Variants in ANO1 observed in about 807,000 individuals in gnomAD.
The protein encoded by ANO1 is anoctamin-1.
Under a neutral mutation model 124.0 loss-of-function variants are expected in ANO1, and 59 were observed. The observed-to-expected ratio is 0.48, with a 90% confidence interval of 0.39 to 0.59. The LOEUF is 0.59. Among genes scored for constraint, ANO1 ranks in the 20% least tolerant of loss-of-function variants. The pLI is 0.00. For synonymous variants in ANO1, 529 were observed against 532.0 expected, an observed-to-expected ratio of 0.99 and a Z score of 0.08; for missense variants, 1,059 against 1,328.0, an observed-to-expected ratio of 0.80 and a Z score of 3.15.
intron 7 of ANO1, among the ~76,000 whole-genome samples, chr11:70,112,982 T>A (rs562506846): frequency 6.6e-6 from 1 of 152,190 alleles, no homozygotes; most frequent in African/African-American, 2.4e-5. Flanking sequence ...TCTAGGCAGA[T>A]CTGCTGCCCG....
intron 1 of ANO1, among the ~76,000 whole-genome samples, chr11:70,031,270 T>C (rs1351700362): frequency 6.6e-6 from 1 of 152,212 alleles, no homozygotes; most frequent in Non-Finnish European, 1.5e-5. Flanking sequence ...CATATATGTA[T>C]ACAACATGGT....
intron 8 of ANO1, among the ~76,000 whole-genome samples, chr11:70,120,460 T>A (rs1893083): frequency 6.6e-6 from 1 of 152,022 alleles, no homozygotes; most frequent in South Asian, 2.1e-4. Flanking sequence ...TGGGCCCTGT[T>A]GGGGAGAGGG....
chr11:70,112,461 G>A (rs991093642), intron 7 of ANO1, among the ~76,000 whole-genome samples: 1 of 152,178 alleles, frequency 6.6e-6, no homozygotes, highest in Non-Finnish European at 1.5e-5. Context: ...CCTCCGCCTT[G>A]AGTGGTGGAG....
At chr11:70,186,833 C>T (rs1050101374) in intron 25 of ANO1, among the ~76,000 whole-genome samples, 3 of 152,264 alleles carry the variant, frequency 2.0e-5, no homozygotes, top group African/African-American at 7.2e-5. Context: ...CTCCTCTAAG[C>T]TCAGTGGCCC....
the ANO1 span, among the ~76,000 whole-genome samples, chr11:69,968,479 G>C: frequency 6.6e-6 from 1 of 152,242 alleles, no homozygotes; most frequent in African/African-American, 2.4e-5. Context: ...ACGTGTCGGA[G>C]AGTCAAGACA....
chr11:70,052,891 A>G (rs1311984525), intron 1 of ANO1, among the ~76,000 whole-genome samples: 5 of 152,084 alleles, frequency 3.3e-5, no homozygotes, highest in African/African-American at 1.2e-4. Flanking sequence ...GAGTCTTCCA[A>G]TCCATGAACA....
At chr11:70,041,698 T>C (rs1202993859) in intron 1 of ANO1, among the ~76,000 whole-genome samples, 2 of 151,820 alleles carry the variant, frequency 1.3e-5, no homozygotes, top group Non-Finnish European at 2.9e-5. Flanking sequence ...CAAACCCTGG[T>C]GGGAAGGAGG....
chr11:69,978,517 A>G, the ANO1 span, among the ~76,000 whole-genome samples: 2 of 151,950 alleles, frequency 1.3e-5, no homozygotes, highest in African/African-American at 4.8e-5. Context: ...CACCCAGCTA[A>G]TTTTTGCATT....
chr11:70,107,490 C>CGGGGGGGGGGGGGGGGGGGGGGGGGG (rs1432604573), intron 5 of ANO1, among the ~76,000 whole-genome samples: 2 of 64,480 alleles, frequency 3.1e-5, no homozygotes, highest in Admixed American at 2.5e-4. Context: ...CCAGTGGAGG[C>CGGGGGGGGGGGGGGGGGGGGGGGGGG]GGCGGGGCGG....
chr11:70,034,042 C>T (rs999048737), intron 1 of ANO1, among the ~76,000 whole-genome samples: 1 of 152,124 alleles, frequency 6.6e-6, no homozygotes, highest in South Asian at 2.1e-4. Flanking sequence ...TCCATGCGCT[C>T]TTGCAGCCAT....
At chr11:70,070,476 A>G (rs1555009171) in intron 1 of ANO1, among the ~76,000 whole-genome samples, 2 of 152,192 alleles carry the variant, frequency 1.3e-5, no homozygotes, top group East Asian at 1.9e-4. Flanking sequence ...TGAGGTCAGG[A>G]GTTCAAGACC....
At chr11:70,001,602 C>T (rs1342530173) in intron 1 of ANO1, among the ~76,000 whole-genome samples, 2 of 152,132 alleles carry the variant, frequency 1.3e-5, no homozygotes, top group East Asian at 3.9e-4. Context: ...CCGTTTCTAT[C>T]GCACACAAAA....
chr11:70,132,441 A>G (rs2046795312), intron 11 of ANO1, among the ~76,000 whole-genome samples: 1 of 152,148 alleles, frequency 6.6e-6, no homozygotes, highest in African/African-American at 2.4e-5. Context: ...CGACCACCAC[A>G]GCCTGAAGGA....
chr11:70,104,166 C>T lies in ANO1; in HGVS notation c.692+16C>T. On this transcript the variant is annotated intron_variant, in intron 4 of 25. Coordinates refer to ENST00000355303, the MANE Select transcript of ANO1 (RefSeq NM_018043.7). Reference sequence around the variant, plus strand: ...AGCAGCATCTGTAAGTGGGGACCCCCAGCCTGCTCCCCAAAGGGTCCTGTG... The same window carrying T: ...AGCAGCATCTGTAAGTGGGGACCCCTAGCCTGCTCCCCAAAGGGTCCTGTG... The T allele has an allele frequency of 6.2e-7, 1 of 1,606,686 alleles. No individual in the cohort carries two copies. The highest frequency in any genetic ancestry group is 8.5e-7 in the Non-Finnish European group (1 of 1,175,888).
rs200770702 is a variant in ANO1 at position 70,052,531 on chromosome 11, CTTTTTTTTTTTTTTTTTTTTTTTTT to C, written c.59-25997_59-25973del. 9.7e-4 allele frequency among the ~76,000 whole-genome samples: 64 copies of C among 65,920 alleles called. 2 individuals carry two copies. Among genetic ancestry groups the C allele is most frequent in the South Asian group, 4.5e-3 (12 of 2,652 alleles). 43.2% of individuals were successfully genotyped at this position (65,920 alleles called of 152,430 possible). A position where few individuals can be genotyped will look rare whatever the true frequency, so the allele number is the denominator to read the frequency against. ...TTTGGGGAGAATTTCTTTTTCTTTT[CTTTTTTTTTTTTTTTTTTTTTTTTT>C]TTTTTTTTTTTTTGAGACAGGGTTT... On this transcript the variant is annotated intron_variant, in intron 1 of 27. Coordinates refer to the ANO1 transcript ENST00000531349.
intron 1 of ANO1, among the ~76,000 whole-genome samples, chr11:69,999,637 C>T (rs1215825403): frequency 1.3e-5 from 2 of 152,270 alleles, no homozygotes; most frequent in African/African-American, 2.4e-5. Context: ...AACATAAACG[C>T]CAGGGGAAAA....
intron 1 of ANO1, among the ~76,000 whole-genome samples, chr11:70,021,909 C>T (rs1196938231): frequency 3.9e-5 from 6 of 152,178 alleles, no homozygotes; most frequent in African/African-American, 1.4e-4. Context: ...GAGCTGCTGT[C>T]ACACAAGAAC....
chr11:70,062,966 G>C, intron 1 of ANO1, among the ~76,000 whole-genome samples: 1 of 152,090 alleles, frequency 6.6e-6, no homozygotes, highest in East Asian at 1.9e-4. Flanking sequence ...GTCTCACTCT[G>C]TCACCCAGGC....
intron 14 of ANO1, 81 bp from the exon 15 acceptor site, chr11:70,155,830 G>A: frequency 1.5e-6 from 2 of 1,331,140 alleles, no homozygotes; most frequent in South Asian, 1.5e-5. Flanking sequence ...CCAAGATGGG[G>A]ACGGTTCCCT....
Sources: gnomAD v4.1 joint callset for allele counts (sites outside exome capture counted in the v4.1 genomes callset) on GRCh38, gnomAD v4.1.1 for gene constraint, MANE v1.5 for transcripts, NCBI Gene and HGNC (gene_info 2026-07-23, HGNC 2026-07-21) for gene names.